FLT1: variants seen among roughly 807,000 people sequenced by gnomAD.
FLT1 encodes the protein vascular endothelial growth factor receptor 1.
Under a neutral mutation model 156.3 loss-of-function variants are expected in FLT1, and 49 were observed. That is an observed-to-expected ratio of 0.31 (90% confidence interval 0.25 to 0.40). The LOEUF is 0.40. Ranked by LOEUF, FLT1 falls within the 10% of genes least tolerant of loss-of-function variation. The pLI, the probability that FLT1 is intolerant of heterozygous loss-of-function variation, is 1.00. For synonymous variants in FLT1, 594 were observed against 583.8 expected (o/e 1.02, Z -0.25); for missense variants, 1,322 against 1,637.2 (o/e 0.81, Z 3.32).
At chr13:28,316,765 A>C (rs1268315797) in intron 25 of FLT1, among the ~76,000 whole-genome samples, 2 of 151,224 alleles carry the variant, frequency 1.3e-5, no homozygotes, top group African/African-American at 4.9e-5. Context: ...CAGCCTCCCA[A>C]GTAGCTGCCA....
chr13:28,366,843 G>T (rs1873314488), intron 14 of FLT1, among the ~76,000 whole-genome samples: 1 of 152,104 alleles, frequency 6.6e-6, no homozygotes. Context: ...CCCTACTCTG[G>T]CACTTACCTT....
At chr13:28,476,729 A>G (rs901518110) in intron 1 of FLT1, among the ~76,000 whole-genome samples, 26 of 152,210 alleles carry the variant, frequency 1.7e-4, no homozygotes, top group African/African-American at 6.0e-4. Context: ...TATGTCTTGA[A>G]TCCAGGTGTC....
intron 14 of FLT1, among the ~76,000 whole-genome samples, chr13:28,377,951 T>C (rs956416749): frequency 9.9e-5 from 15 of 152,278 alleles, no homozygotes; most frequent in African/African-American, 3.6e-4. Flanking sequence ...ATACATGGCA[T>C]GTCTAGTTTT....
chr13:28,400,362 A>C (rs1250349059), intron 11 of FLT1, among the ~76,000 whole-genome samples: 3 of 152,224 alleles, frequency 2.0e-5, no homozygotes. Context: ...ATCACTAAAG[A>C]AGAAAAGTTA....
intron 16 of FLT1, among the ~76,000 whole-genome samples, chr13:28,341,529 A>G (rs563733821): frequency 9.8e-5 from 15 of 152,356 alleles, no homozygotes; most frequent in Non-Finnish European, 1.5e-4. Flanking sequence ...GAAATAATCC[A>G]TGGAAAGCTA....
intron 8 of FLT1, among the ~76,000 whole-genome samples, chr13:28,429,802 C>T (rs1877564110): frequency 6.6e-6 from 1 of 152,100 alleles, no homozygotes; most frequent in Non-Finnish European, 1.5e-5. Flanking sequence ...GAAAGTTAGC[C>T]ACAGTAAGAG....
chr13:28,417,016 C>CAT (rs1451483783), intron 10 of FLT1, among the ~76,000 whole-genome samples: 2 of 152,116 alleles, frequency 1.3e-5, no homozygotes, highest in Non-Finnish European at 2.9e-5. Flanking sequence ...ATACAGTGCG[C>CAT]ATACTGCAGG....
chr13:28,407,352 A>G (rs1267356089), intron 10 of FLT1, among the ~76,000 whole-genome samples: 2 of 148,370 alleles, frequency 1.3e-5, no homozygotes. Flanking sequence ...ATTTTGTCAC[A>G]TTGGTTTCAT....
intron 10 of FLT1, among the ~76,000 whole-genome samples, chr13:28,415,255 G>A (rs1876577774): frequency 6.6e-6 from 1 of 152,100 alleles, no homozygotes; most frequent in African/African-American, 2.4e-5. Context: ...CAAGGCAGAC[G>A]GACCACCTGA....
intron 10 of FLT1, among the ~76,000 whole-genome samples, chr13:28,411,580 A>G (rs570704704): frequency 6.6e-6 from 1 of 151,926 alleles, no homozygotes; most frequent in Admixed American, 6.6e-5. Flanking sequence ...TTACAACAAA[A>G]TAAAACCATC....
chr13:28,348,982 G>A (rs539179793), intron 15 of FLT1, among the ~76,000 whole-genome samples: 1 of 151,838 alleles, frequency 6.6e-6, no homozygotes, highest in African/African-American at 2.4e-5. Flanking sequence ...AAAACATATA[G>A]ACCACCACCT....
At chr13:28,406,371 A>G (rs1875800979) in intron 10 of FLT1, among the ~76,000 whole-genome samples, 1 of 152,192 alleles carries the variant, frequency 6.6e-6, no homozygotes, top group Non-Finnish European at 1.5e-5. Flanking sequence ...ATCATGAAAC[A>G]GTTATTAAAT....
At chr13:28,378,474 T>TTAG (rs1873940442) in intron 14 of FLT1, among the ~76,000 whole-genome samples, 1 of 152,230 alleles carries the variant, frequency 6.6e-6, no homozygotes, top group South Asian at 2.1e-4. Flanking sequence ...GAGCTAACAT[T>TTAG]TAGTTATGCT....
chr13:28,473,725 AGAAAGAAGGAAGGAAGGAAGGAAG>A lies in FLT1; in HGVS notation c.65-6132_65-6109del, dbSNP rs1427623192. Among the ~76,000 whole-genome samples, 154 of 89,458 alleles carry A rather than the reference AGAAAGAAGGAAGGAAGGAAGGAAG, an allele frequency of 1.7e-3. 4 individuals are homozygous for A. The highest frequency in any genetic ancestry group is 6.7e-3 in the African/African-American group (138 of 20,614). 58.7% of individuals were successfully genotyped at this position (89,458 alleles called of 152,430 possible). A position where few individuals can be genotyped will look rare whatever the true frequency, so the allele number is the denominator to read the frequency against. Reference sequence around the variant, plus strand: ...AAGAAAGAAAGAAAGAAAGAAAGAAAGAAAGAAGGAAGGAAGGAAGGAAGGAAGGAAGGAAGGAAGGAAGGAAGG... The same window carrying A: ...AAGAAAGAAAGAAAGAAAGAAAGAAAGAAGGAAGGAAGGAAGGAAGGAAGG... On this transcript the variant is annotated intron_variant, in intron 1 of 29. Transcript: ENST00000282397.
intron 8 of FLT1, among the ~76,000 whole-genome samples, chr13:28,429,590 T>C (rs1593783002): frequency 2.6e-5 from 4 of 152,316 alleles, no homozygotes; most frequent in African/African-American, 9.6e-5. Flanking sequence ...GTCTTGTCTC[T>C]ATTAATGTTT....
intron 13 of FLT1, chr13:28,386,558 G>A (rs762087195): frequency 7.6e-6 from 8 of 1,054,558 alleles, no homozygotes; most frequent in Non-Finnish European, 9.2e-6. Flanking sequence ...GCCTCTTTGA[G>A]CATGTCTTTC....
At chr13:28,428,361 C>T (rs1463088216) in intron 8 of FLT1, among the ~76,000 whole-genome samples, 1 of 151,900 alleles carries the variant, frequency 6.6e-6, no homozygotes, top group African/African-American at 2.4e-5. Flanking sequence ...ATTGTGGTCT[C>T]ATGTGGAGTT....
At chr13:28,452,119 C>T (rs1317554067) in intron 3 of FLT1, among the ~76,000 whole-genome samples, 1 of 152,158 alleles carries the variant, frequency 6.6e-6, no homozygotes. Flanking sequence ...CAGCTGAATC[C>T]AGCCTGCATA....
At chr13:28,430,397 TG>T (rs1381639442) in intron 7 of FLT1, among the ~76,000 whole-genome samples, 1 of 152,144 alleles carries the variant, frequency 6.6e-6, no homozygotes, top group African/African-American at 2.4e-5. Flanking sequence ...CATAAAACAG[TG>T]GCAGAGCAAC....
Sources: gnomAD v4.1 joint callset for allele counts (sites outside exome capture counted in the v4.1 genomes callset) on GRCh38, gnomAD v4.1.1 for gene constraint, MANE v1.5 for transcripts, NCBI Gene and HGNC (gene_info 2026-07-23, HGNC 2026-07-21) for gene names.